ZMAT3: variants seen among roughly 807,000 people sequenced by gnomAD.
The protein encoded by ZMAT3 is zinc finger matrin-type protein 3.
Under a neutral mutation model 32.3 loss-of-function variants are expected in ZMAT3, and 17 were observed. The ratio of observed to expected loss-of-function variants is 0.53; its 90% CI spans 0.36 to 0.79. The LOEUF is 0.79. Among genes scored for constraint, ZMAT3 ranks in the 30% least tolerant of loss-of-function variants. The pLI is 0.00. For missense variants in ZMAT3, 329 were observed against 359.7 expected (o/e 0.91, Z 0.69); for synonymous variants, 120 against 133.1 (o/e 0.90, Z 0.68).
chr3:179,068,082 A>G (rs1721514846), intron 1 of ZMAT3, among the ~76,000 whole-genome samples: 1 of 152,218 alleles, frequency 6.6e-6, no homozygotes, highest in South Asian at 2.1e-4. Context: ...GAACATTAAC[A>G]GCATTGCATC....
intron 2 of ZMAT3, among the ~76,000 whole-genome samples, chr3:179,056,490 C>T (rs959779624): frequency 9.2e-5 from 14 of 152,216 alleles, no homozygotes; most frequent in Admixed American, 2.0e-4. Context: ...AATAAGCCGC[C>T]CCCTTGTCCA....
chr3:179,030,893 G>C lies in ZMAT3; in HGVS notation c.377C>G (p.Pro126Arg). ...VVEPAATPVV[P>R]VPPQMGSFKP... ...CACATGTCTCACCTGCGGAGGGACT[G>C]GAACAACTGGAGTAGCTGCAGGCTC... The change falls in exon 3 of 6, where the codon CCA becomes CGA. Residue 126 changes from proline (P) to arginine (R), a missense_variant. Transcript: ENST00000311417. 1.2e-6 allele frequency: 2 copies of C among 1,613,434 alleles called. No homozygotes were observed. The highest frequency in any genetic ancestry group is 1.7e-6 in the Non-Finnish European group (2 of 1,179,690).
At chr3:179,058,366 T>TA (rs1720961893) in intron 2 of ZMAT3, among the ~76,000 whole-genome samples, 1 of 152,208 alleles carries the variant, frequency 6.6e-6, no homozygotes, top group African/African-American at 2.4e-5. Context: ...TGTCAACAAG[T>TA]AATTGCTCAA....
chr3:179,056,094 C>A (rs1720826634), intron 2 of ZMAT3, among the ~76,000 whole-genome samples: 1 of 152,118 alleles, frequency 6.6e-6, no homozygotes, highest in South Asian at 2.1e-4. Flanking sequence ...CTTTTCTGGA[C>A]AGACTAAGGG....
chr3:179,059,183 C>T (rs1382655853), intron 2 of ZMAT3, among the ~76,000 whole-genome samples: 2 of 152,040 alleles, frequency 1.3e-5, no homozygotes, highest in African/African-American at 4.8e-5. Context: ...CAATGCAGGA[C>T]CCTCCATTAG....
chr3:179,070,882 C>T (rs2108596088), intron 1 of ZMAT3, among the ~76,000 whole-genome samples: 1 of 152,298 alleles, frequency 6.6e-6, no homozygotes, highest in African/African-American at 2.4e-5. Flanking sequence ...CTACTCTTCA[C>T]ATACTGTGTT....
chr3:179,041,723 T>C (rs1167747103), intron 2 of ZMAT3, among the ~76,000 whole-genome samples: 1 of 151,678 alleles, frequency 6.6e-6, no homozygotes, highest in Non-Finnish European at 1.5e-5. Flanking sequence ...AGGCAAGAAA[T>C]AACTAAGATC....
chr3:179,056,208 C>T (rs1720833804), intron 2 of ZMAT3, among the ~76,000 whole-genome samples: 1 of 152,110 alleles, frequency 6.6e-6, no homozygotes, highest in South Asian at 2.1e-4. Flanking sequence ...TTAGAAAAAA[C>T]TTCAAAAGTC....
At chr3:179,029,964 G>A (rs764254933) in intron 3 of ZMAT3, among the ~76,000 whole-genome samples, 5 of 152,096 alleles carry the variant, frequency 3.3e-5, no homozygotes, top group Non-Finnish European at 5.9e-5. Flanking sequence ...TGCCTGGCAC[G>A]ATATGTACTC....
intron 2 of ZMAT3, among the ~76,000 whole-genome samples, chr3:179,034,184 T>C (rs1719455601): frequency 6.6e-6 from 1 of 152,206 alleles, no homozygotes; most frequent in African/African-American, 2.4e-5. Flanking sequence ...TGCTAAGCCC[T>C]AGAAATAAAC....
chr3:179,024,824 GT>G lies in ZMAT3; in HGVS notation c.*192del. On this transcript the variant is annotated 3_prime_UTR_variant, in exon 6 of 6. Coordinates refer to ENST00000311417, the MANE Select transcript of ZMAT3 (RefSeq NM_022470.4). ...AAAAGCGTTATGACCTAAGAAGCAC[GT>G]TCTTCACACCCACCTCCCCCCGCCC... The G allele has an allele frequency of 1.7e-6, 1 of 585,868 alleles. No homozygotes were observed. Among genetic ancestry groups the G allele is most frequent in the South Asian group, 2.0e-5 (1 of 50,564 alleles). 36.3% of individuals were successfully genotyped at this position (585,868 alleles called of 1,614,324 possible).
Position 179,046,909 on chromosome 3 carries a change from TCTC to T in ZMAT3, c.271-15913_271-15911del, listed in dbSNP as rs1028928891. On this transcript the variant is annotated intron_variant, in intron 2 of 5. Transcript: ENST00000311417. This position sits in a 1 kb window ranked among gnomAD's most constrained non-coding sequence, Gnocchi z 4.3. Reference sequence around the variant, plus strand: ...TAACCCTGCCCCAACCCGATGGTCTTCTCTACCCACACTGGTGGCCGAAGACAA... The same window carrying T: ...TAACCCTGCCCCAACCCGATGGTCTTTACCCACACTGGTGGCCGAAGACAA... Among the ~76,000 whole-genome samples, 1 of 152,102 alleles carries T rather than the reference TCTC, an allele frequency of 6.6e-6. No individual in the cohort carries two copies. The highest frequency in any genetic ancestry group is 1.5e-5 in the Non-Finnish European group (1 of 68,006).
intron 2 of ZMAT3, among the ~76,000 whole-genome samples, chr3:179,040,075 G>A (rs1482583597): frequency 6.6e-6 from 1 of 152,186 alleles, no homozygotes; most frequent in Non-Finnish European, 1.5e-5. Context: ...AGAAATATGG[G>A]ACTATGTGAA....
rs549249777 is a variant in ZMAT3, at chr3:179,046,247, C to T, written c.271-15248G>A. Among the ~76,000 whole-genome samples the T allele has an allele frequency of 6.6e-6, 1 of 152,218 alleles. No homozygotes were observed. The highest frequency in any genetic ancestry group is 2.1e-4 in the South Asian group (1 of 4,818). ...AGGTACCCAGTACTAGTGGAGGGGT[C>T]AAGGTTAGATAGTATCAGGTATTTT... On this transcript the variant is annotated intron_variant, in intron 2 of 5. Transcript: ENST00000311417. This position sits in a 1 kb window ranked among gnomAD's most constrained non-coding sequence, Gnocchi z 4.3.
chr3:179,047,229 C>T (rs1405387691), intron 2 of ZMAT3, among the ~76,000 whole-genome samples: 1 of 152,204 alleles, frequency 6.6e-6, no homozygotes, highest in African/African-American at 2.4e-5. Context: ...AGTAGCTCCA[C>T]TAGGTGGCTA....
At chr3:179,059,234 C>T (rs1035983589) in intron 2 of ZMAT3, among the ~76,000 whole-genome samples, 23 of 152,142 alleles carry the variant, frequency 1.5e-4, no homozygotes, top group Admixed American at 4.6e-4. Context: ...GTAATCCCCT[C>T]CAGGAAACCA....
At chr3:179,058,913 G>T (rs1394648911) in intron 2 of ZMAT3, among the ~76,000 whole-genome samples, 1 of 152,098 alleles carries the variant, frequency 6.6e-6, no homozygotes, top group African/African-American at 2.4e-5. Context: ...AGAATTAGGA[G>T]AAGGAAAAAG....
intron 2 of ZMAT3, among the ~76,000 whole-genome samples, chr3:179,059,781 G>A (rs577647047): frequency 1.3e-5 from 2 of 152,084 alleles, no homozygotes; most frequent in African/African-American, 2.4e-5. Context: ...AGTGGTTGTC[G>A]GCCAACCTCC....
rs1263889548 is a variant in ZMAT3, at chr3:179,020,156, T to C, written c.*4861A>G. The C allele has an allele frequency of 6.6e-6, 1 of 152,224 alleles. No homozygotes were observed. Among genetic ancestry groups the C allele is most frequent in the Non-Finnish European group, 1.5e-5 (1 of 68,032 alleles). 9.4% of individuals were successfully genotyped at this position (152,224 alleles called of 1,614,324 possible). A position where few individuals can be genotyped will look rare whatever the true frequency, so the allele number is the denominator to read the frequency against. On this transcript the variant is annotated 3_prime_UTR_variant, in exon 6 of 6. Coordinates refer to ENST00000311417, the MANE Select transcript of ZMAT3 (RefSeq NM_022470.4). ...ATTTATGAATGGTGATTAATAGCAA[T>C]AATTCTGTCTCTCTTCTCTCTGTGA...
Sources: allele counts gnomAD v4.1 joint callset (sites outside exome capture counted in the v4.1 genomes callset), GRCh38; gene constraint gnomAD v4.1.1; non-coding constraint Gnocchi (gnomAD v3.1); transcripts MANE v1.5; gene names NCBI Gene and HGNC (gene_info 2026-07-23, HGNC 2026-07-21).